Variants in PCDH11Y observed in about 807,000 individuals in gnomAD.
PCDH11Y encodes protocadherin 11 Y-linked.
For missense variants in PCDH11Y, 12 were observed against 224.8 expected, an observed-to-expected ratio of 0.05 and a Z score of 6.05; for synonymous variants, 9 against 83.6, an observed-to-expected ratio of 0.11 and a Z score of 4.87.
At position 5,367,806 on chromosome Y, in the gene PCDH11Y, T is replaced by TAC. The variant is rs1206983748; in HGVS notation, c.3130-133229_3130-133228dup. The stretch of plus-strand genomic sequence containing the variant: ...CCACACACACACAGATGCATGCACA[T>TAC]ACACACACACACACACACACACATC... On this transcript the variant is annotated intron_variant, in intron 2 of 4. Transcript: ENST00000400457. 5.9e-3 allele frequency among the ~76,000 whole-genome samples: 158 copies of TAC among 26,660 alleles called. No individual in the cohort carries two copies. In the East Asian group the frequency reaches 0.085, roughly 14 times the overall value. 71.5% of individuals were successfully genotyped at this position (26,660 alleles called of 37,273 possible). A position where few individuals can be genotyped will look rare whatever the true frequency, so the allele number is the denominator to read the frequency against.
At chrY:5,150,906 C>G in intron 2 of PCDH11Y, among the ~76,000 whole-genome samples, 3 of 33,589 alleles carry the variant, frequency 8.9e-5, no homozygotes, top group African/African-American at 3.4e-4. Context: ...AATGAGAAGA[C>G]TGAGGAACAG....
intron 2 of PCDH11Y, among the ~76,000 whole-genome samples, chrY:5,457,971 G>A (rs2053299793): frequency 6.1e-5 from 2 of 32,949 alleles, no homozygotes; most frequent in African/African-American, 2.4e-4. Flanking sequence ...GTTGAGTCTG[G>A]ACAATGTCTA....
chrY:5,006,174 A>G, intron 1 of PCDH11Y, among the ~76,000 whole-genome samples: 1 of 26,925 alleles, frequency 3.7e-5, no homozygotes, highest in African/African-American at 1.5e-4. Flanking sequence ...TCCCATGGGT[A>G]ATTCCTTTTA....
intron 4 of PCDH11Y, among the ~76,000 whole-genome samples, chrY:5,600,586 AG>A (rs2053471951): frequency 3.1e-5 from 1 of 32,251 alleles, no homozygotes; most frequent in Admixed American, 2.9e-4. Context: ...TAAAACAAAA[AG>A]TTCCAGATGA....
intron 2 of PCDH11Y, among the ~76,000 whole-genome samples, chrY:5,205,945 T>C (rs2052931948): frequency 3.2e-5 from 1 of 31,723 alleles, no homozygotes; most frequent in Non-Finnish European, 7.6e-5. Context: ...AAATTGTATA[T>C]TCAACAAAGA....
chrY:5,697,925 C>T, intron 4 of PCDH11Y, among the ~76,000 whole-genome samples: 1 of 31,264 alleles, frequency 3.2e-5, no homozygotes. Context: ...GGTCTGTGTA[C>T]TTCAGTGTGT....
chrY:5,059,955 A>T, intron 1 of PCDH11Y, among the ~76,000 whole-genome samples: 2 of 33,069 alleles, frequency 6.0e-5, no homozygotes, highest in South Asian at 1.4e-3. Context: ...ACTCGCAAAA[A>T]GTCCCTGTCA....
chrY:5,139,399 A>G, intron 2 of PCDH11Y, among the ~76,000 whole-genome samples: 1 of 32,544 alleles, frequency 3.1e-5, no homozygotes. Flanking sequence ...GATCAATCAG[A>G]CAAGATAAAG....
chrY:5,309,540 T>TA (rs2053095327), intron 2 of PCDH11Y, among the ~76,000 whole-genome samples: 1 of 33,315 alleles, frequency 3.0e-5, no homozygotes. Context: ...TTAGACAAAT[T>TA]AAATTTAGTA....
At chrY:5,264,393 A>AC (rs2053023384) in intron 2 of PCDH11Y, among the ~76,000 whole-genome samples, 2 of 33,319 alleles carry the variant, frequency 6.0e-5, no homozygotes, top group Admixed American at 5.6e-4. Flanking sequence ...GCTGGGTGTC[A>AC]CCTGAAGCCA....
At chrY:5,246,978 T>A in intron 2 of PCDH11Y, among the ~76,000 whole-genome samples, 1 of 32,666 alleles carries the variant, frequency 3.1e-5, no homozygotes, top group Non-Finnish European at 7.5e-5. Context: ...CCACAAAAGA[T>A]CAAGAAAGAC....
At chrY:5,126,167 A>T in intron 2 of PCDH11Y, among the ~76,000 whole-genome samples, 2 of 32,695 alleles carry the variant, frequency 6.1e-5, no homozygotes, top group African/African-American at 2.4e-4. Context: ...AAGATGGTAA[A>T]ACTCTAATTC....
intron 2 of PCDH11Y, among the ~76,000 whole-genome samples, chrY:5,269,997 G>C (rs1602897187): frequency 1.5e-4 from 4 of 26,401 alleles, no homozygotes; most frequent in African/African-American, 5.8e-4. Context: ...TGGGTCATCA[G>C]GAAAAAAAGG....
intron 2 of PCDH11Y, among the ~76,000 whole-genome samples, chrY:5,217,000 T>G: frequency 3.7e-5 from 1 of 27,194 alleles, no homozygotes; most frequent in Admixed American, 3.7e-4. Flanking sequence ...CTTTGCTATT[T>G]TGGCATTCTT....
At chrY:5,550,249 T>A (rs2053417487) in intron 3 of PCDH11Y, among the ~76,000 whole-genome samples, 1 of 32,866 alleles carries the variant, frequency 3.0e-5, no homozygotes, top group Non-Finnish European at 7.6e-5. Context: ...ATCCCATAAA[T>A]ATATACACCT....
intron 4 of PCDH11Y, among the ~76,000 whole-genome samples, chrY:5,598,000 A>T: frequency 3.1e-5 from 1 of 32,328 alleles, no homozygotes; most frequent in Non-Finnish European, 7.6e-5. Flanking sequence ...AAGGATGAGT[A>T]TAAATTAAGA....
chrY:5,087,495 T>C (rs2124633167), intron 1 of PCDH11Y, among the ~76,000 whole-genome samples: 2 of 32,310 alleles, frequency 6.2e-5, no homozygotes, highest in Admixed American at 5.6e-4. Context: ...TGCCTTATCC[T>C]GCTGTGGCTG....
chrY:5,407,859 A>G (rs2124677863), intron 2 of PCDH11Y, among the ~76,000 whole-genome samples: 2 of 24,303 alleles, frequency 8.2e-5, no homozygotes, highest in East Asian at 2.4e-3. Context: ...GCTTGCAGTG[A>G]GCCGAGATCG....
At chrY:5,380,806 G>T in intron 2 of PCDH11Y, among the ~76,000 whole-genome samples, 1 of 29,866 alleles carries the variant, frequency 3.3e-5, no homozygotes, top group South Asian at 8.2e-4. Context: ...TGCCAGGATG[G>T]TCTCGATCTC....
Sources: gnomAD v4.1 joint callset for allele counts (sites outside exome capture counted in the v4.1 genomes callset) on GRCh38, gnomAD v4.1.1 for gene constraint, MANE v1.5 for transcripts, NCBI Gene and HGNC (gene_info 2026-07-23, HGNC 2026-07-21) for gene names.